TRPM8: variants seen among roughly 807,000 people sequenced by gnomAD.
The protein encoded by TRPM8 is transient receptor potential cation channel subfamily M member 8, also known as TRPM8 cationic channel.
Under a neutral mutation model 133.7 loss-of-function variants are expected in TRPM8, and 110 were observed. The ratio of observed to expected loss-of-function variants is 0.82; its 90% confidence interval spans 0.70 to 0.96. The LOEUF (loss-of-function observed/expected upper bound fraction) is 0.96. Among genes scored for constraint, TRPM8 ranks in the 40% least tolerant of loss-of-function variants. The probability of loss-of-function intolerance (pLI) is 0.00; values close to 1 mark genes in which losing one functional copy is unlikely to be tolerated. For synonymous variants in TRPM8, 535 were observed against 532.3 expected, an observed-to-expected ratio of 1.01 and a Z score of -0.07; for missense variants, 1,291 against 1,379.5, an observed-to-expected ratio of 0.94 and a Z score of 1.02.
intron 5 of TRPM8, among the ~76,000 whole-genome samples, chr2:233,941,257 G>C (rs112090041): frequency 2.0e-5 from 3 of 152,178 alleles, no homozygotes; most frequent in African/African-American, 7.2e-5. Context: ...AAATCAACTA[G>C]AAGGAAGCAA....
In TRPM8 at chr2:233,960,915, TC is replaced by T. The variant is rs993505286; in HGVS notation, c.1503del (p.Phe501LeufsTer48). ...CTCACTGAACTCTTCTCCAACCACT[TC>T]AGCACGCTTGTGTACCGGAATCTGC... is the stretch of plus-strand genomic sequence containing the variant. ...DVLTELFSNH[F>X]STLVYRNLQI... On this transcript the variant is annotated frameshift_variant, in exon 12 of 26. Transcript: ENST00000324695. LOFTEE classifies it high-confidence loss of function. 6.2e-6 allele frequency: 10 copies of T among 1,614,070 alleles called. No individual in the cohort carries two copies. The African/African-American group carries it at 6.7e-5, about 11-fold the overall frequency.
intron 17 of TRPM8, among the ~76,000 whole-genome samples, chr2:233,975,499 A>G (rs13411202): frequency 0.35 from 52,702 of 152,122 alleles, 9,525 homozygotes; most frequent in African/African-American, 0.45. Context: ...ACATTTCTCT[A>G]CCTGTCCCTG....
In TRPM8 at chr2:233,992,327, T is replaced by C. The variant is rs184632684; in HGVS notation, c.2940-3999T>C. On this transcript the variant is annotated intron_variant, in intron 21 of 25. Transcript: ENST00000324695. ...GGATGTTATATGTTGCCAGAAGATT[T>C]CTAGCAGTTATTGAAATGCTATTTT... is the stretch of plus-strand genomic sequence containing the variant. 7.2e-4 allele frequency among the ~76,000 whole-genome samples: 109 copies of C among 152,244 alleles called. 1 individual carries two copies. The highest frequency in any genetic ancestry group is 2.6e-3 in the African/African-American group (106 of 41,542).
At chr2:233,945,795 TATC>T in intron 6 of TRPM8, 58 bp from the exon 7 acceptor site, 3 of 1,451,388 alleles carry the variant, frequency 2.1e-6, no homozygotes, top group Non-Finnish European at 2.8e-6. Context: ...TATAGAAAAA[TATC>T]ATCATGTATC....
At chr2:234,009,347 A>G (rs373831660) in intron 24 of TRPM8, among the ~76,000 whole-genome samples, 1 of 152,202 alleles carries the variant, frequency 6.6e-6, no homozygotes, top group Admixed American at 6.5e-5. Flanking sequence ...GAGCTAATGG[A>G]AAGCCATCTT....
chr2:233,961,799 T>G (rs536948650), intron 12 of TRPM8, among the ~76,000 whole-genome samples: 74 of 151,836 alleles, frequency 4.9e-4, no homozygotes, highest in African/African-American at 1.7e-3. Flanking sequence ...CTGGCTAATT[T>G]TTGTATTTTT....
At chr2:233,998,337 T>C (rs1457537878) in intron 22 of TRPM8, among the ~76,000 whole-genome samples, 1 of 152,260 alleles carries the variant, frequency 6.6e-6, no homozygotes, top group African/African-American at 2.4e-5. Context: ...TCATACAATA[T>C]TTTTAATATA....
intron 1 of TRPM8, among the ~76,000 whole-genome samples, chr2:233,921,520 A>G (rs1691407559): frequency 6.6e-6 from 1 of 152,224 alleles, no homozygotes; most frequent in Non-Finnish European, 1.5e-5. Context: ...GCCGCCATCC[A>G]GACAGCAGAA....
At chr2:233,957,213 T>C (rs1404959863) in intron 11 of TRPM8, among the ~76,000 whole-genome samples, 1 of 152,138 alleles carries the variant, frequency 6.6e-6, no homozygotes, top group Non-Finnish European at 1.5e-5. Context: ...TGGCTGGTCA[T>C]AGAGGCTCAT....
Position 234,006,917 on chromosome 2 carries a change from C to T in TRPM8, c.3195C>T (p.Val1065=). ...WEGVMKENYL[V]KINTKANDTS... ...GTGTCATGAAGGAAAACTACCTTGTCAAGATCAACACAAAAGCCAACGACA... is the reference window on the plus strand; with the variant it reads ...GTGTCATGAAGGAAAACTACCTTGTTAAGATCAACACAAAAGCCAACGACA... The change falls in exon 23 of 26, where the codon GTC becomes GTT. Residue 1065 remains valine (V), a synonymous_variant. Transcript: ENST00000324695. 1 of 1,613,956 alleles carries T rather than the reference C, an allele frequency of 6.2e-7. No individual in the cohort carries two copies. Among genetic ancestry groups the T allele is most frequent in the Non-Finnish European group, 8.5e-7 (1 of 1,179,910 alleles).
chr2:233,983,145 G>A lies in TRPM8; in HGVS notation c.2682G>A (p.Gln894=), dbSNP rs1352315797. 6.2e-7 allele frequency: 1 copy of A among 1,614,202 alleles called. No homozygotes were observed. The highest frequency in any genetic ancestry group is 1.7e-5 in the Admixed American group (1 of 60,030). The part of the protein sequence containing the change: ...ARQGILRQNE[Q]RWRWIFRSVI... Reference sequence around the variant, plus strand: ...AAGGGATCCTTAGGCAGAATGAGCAGCGCTGGAGGTGGATATTCCGTTCGG... The same window carrying A: ...AAGGGATCCTTAGGCAGAATGAGCAACGCTGGAGGTGGATATTCCGTTCGG... The change falls in exon 20 of 26, where the codon CAG becomes CAA. Residue 894 remains glutamine (Q), a synonymous_variant. Coordinates refer to ENST00000324695, the MANE Select transcript of TRPM8 (RefSeq NM_024080.5).
chr2:234,014,888 G>A (rs1226815836), intron 25 of TRPM8, among the ~76,000 whole-genome samples: 2 of 151,812 alleles, frequency 1.3e-5, no homozygotes, highest in Non-Finnish European at 2.9e-5. Context: ...GCATTGCTAC[G>A]AGCAGGGTGT....
chr2:233,955,065 C>A, intron 10 of TRPM8, 67 bp from the exon 11 acceptor site: 2 of 1,183,080 alleles, frequency 1.7e-6, no homozygotes, highest in Non-Finnish European at 2.5e-6. Flanking sequence ...TAATTGGCCA[C>A]ACTGAATGGT....
intron 11 of TRPM8, among the ~76,000 whole-genome samples, chr2:233,957,524 AC>A (rs1357076106): frequency 1.3e-5 from 2 of 152,158 alleles, no homozygotes; most frequent in African/African-American, 4.8e-5. Flanking sequence ...AACCCAAAAA[AC>A]AAAAAAACAA....
At chr2:233,967,112 C>T (rs563944615) in intron 15 of TRPM8, among the ~76,000 whole-genome samples, 6 of 152,290 alleles carry the variant, frequency 3.9e-5, no homozygotes, top group Non-Finnish European at 7.3e-5. Context: ...TATTAGTTTC[C>T]TCATCTACAA....
In TRPM8 at chr2:233,983,144, A is replaced by T. The variant is rs754150554; in HGVS notation, c.2681A>T (p.Gln894Leu). 1 of 1,614,140 alleles carries T rather than the reference A, an allele frequency of 6.2e-7. No homozygotes were observed. Among genetic ancestry groups the T allele is most frequent in the Admixed American group, 1.7e-5 (1 of 60,018 alleles). ...CAAGGGATCCTTAGGCAGAATGAGC[A>T]GCGCTGGAGGTGGATATTCCGTTCG... ...ARQGILRQNE[Q>L]RWRWIFRSVI... Residue 894 changes from glutamine (Q) to leucine (L), a missense_variant, in exon 20 of 26, where the codon CAG (glutamine) becomes CTG (leucine). By Grantham distance (113) the Gln-to-Leu change is moderately radical. Around this residue, in one of 2 missense-constraint regions of TRPM8, gnomAD observed 328 missense variants for 410.6 expected, o/e 0.80. Transcript: ENST00000324695.
rs1194815002 is a variant in TRPM8, at chr2:233,996,246, T to C, written c.2940-80T>C. On this transcript the variant is annotated intron_variant, in intron 21 of 25. Transcript: ENST00000324695. ...TTAAGCTATTGCAGTAATAGCTTAATACCACTATTACCATACTAGGCAGTT... is the reference window on the plus strand; with the variant it reads ...TTAAGCTATTGCAGTAATAGCTTAACACCACTATTACCATACTAGGCAGTT... 11 of 1,305,016 alleles carry C rather than the reference T, an allele frequency of 8.4e-6. No homozygotes were observed. In the East Asian group the frequency reaches 1.4e-4, roughly 16 times the overall value. 80.8% of individuals were successfully genotyped at this position (1,305,016 alleles called of 1,614,324 possible). A position where few individuals can be genotyped will look rare whatever the true frequency, so the allele number is the denominator to read the frequency against.
chr2:233,983,396 ATT>A (rs1312002840), intron 20 of TRPM8, 172 bp downstream of exon 20: 3 of 688,392 alleles, frequency 4.4e-6, no homozygotes, highest in Non-Finnish European at 7.7e-6. Flanking sequence ...CTTAAGCAAG[ATT>A]TTACATCAGC....
At chr2:233,921,219 A>G (rs753244705) in intron 1 of TRPM8, among the ~76,000 whole-genome samples, 72 of 152,128 alleles carry the variant, frequency 4.7e-4, no homozygotes, top group Non-Finnish European at 9.1e-4. Context: ...ATGCAATTTT[A>G]TCACGTCAGT....
Sources: allele counts gnomAD v4.1 joint callset (sites outside exome capture counted in the v4.1 genomes callset), GRCh38; gene constraint gnomAD v4.1.1; regional missense constraint gnomAD v4.1.1; transcripts MANE v1.5; gene names NCBI Gene and HGNC (gene_info 2026-07-23, HGNC 2026-07-21).